Variants in MDN1 observed in about 807,000 individuals in gnomAD.
MDN1 encodes the protein midasin AAA ATPase 1.
A neutral mutation model predicts 669.2 loss-of-function variants in MDN1; 266 were observed. The ratio of observed to expected loss-of-function variants is 0.40; its 90% CI spans 0.36 to 0.44. MDN1 has a LOEUF of 0.44. Among genes scored for constraint, MDN1 ranks in the 20% least tolerant of loss-of-function variants. The pLI is 1.00. For synonymous variants in MDN1, 2,385 were observed against 2,457.1 expected (o/e 0.97, Z 0.87); for missense variants, 5,940 against 6,754.0 (o/e 0.88, Z 4.22).
chr6:89,715,019 T>TGGGGAATAGTGAATTA (rs1172853925), intron 45 of MDN1, among the ~76,000 whole-genome samples: 1 of 152,238 alleles, frequency 6.6e-6, no homozygotes, highest in Admixed American at 6.5e-5. Flanking sequence ...CAGAGTAGGC[T>TGGGGAATAGTGAATTA]GTACTAATTC....
intron 66 of MDN1, 119 bp from the exon 67 acceptor site, chr6:89,688,292 GA>G (rs373392537): frequency 4.7e-4 from 378 of 797,300 alleles, no homozygotes; most frequent in South Asian, 5.8e-4. Context: ...AAACACCTCT[GA>G]AAAAAAAAAC....
At chr6:89,800,444 G>A (rs951475705) in intron 2 of MDN1, among the ~76,000 whole-genome samples, 2 of 151,960 alleles carry the variant, frequency 1.3e-5, no homozygotes, top group Non-Finnish European at 2.9e-5. Context: ...AACAAACAAC[G>A]ACAACAAAAA....
intron 1 of MDN1, among the ~76,000 whole-genome samples, chr6:89,809,260 T>C (rs974242209): frequency 6.6e-6 from 1 of 151,768 alleles, no homozygotes; most frequent in African/African-American, 2.4e-5. Context: ...TATTTGACTC[T>C]TTTACAGCAC....
chr6:89,662,369 T>C, intron 86 of MDN1, 130 bp from the exon 87 acceptor site: 1 of 884,708 alleles, frequency 1.1e-6, no homozygotes, highest in Non-Finnish European at 1.7e-6. Flanking sequence ...TAAAGTGCCA[T>C]CCGTGACCTA....
chr6:89,674,563 A>C lies in MDN1; in HGVS notation c.12788T>G (p.Ile4263Ser), dbSNP rs903274560. Residue 4263 changes from isoleucine (I) to serine (S), a missense_variant, in exon 79 of 102, where the codon ATT (isoleucine) becomes AGT (serine). By Grantham distance (142) the Ile-to-Ser change is moderately radical. Transcript: ENST00000369393. ...LRNLLSCVQE[I>S]HSRLMGPQAY... Reference sequence around the variant, plus strand: ...CTGGGGCCCCATCAGCCTGCTGTGAATCTCTTGCACACAGCTGAGGAGGTT... The same window carrying C: ...CTGGGGCCCCATCAGCCTGCTGTGACTCTCTTGCACACAGCTGAGGAGGTT... 6.3e-7 allele frequency: 1 copy of C among 1,587,234 alleles called. No homozygotes were observed. The highest frequency in any genetic ancestry group is 8.5e-7 in the Non-Finnish European group (1 of 1,172,080).
At chr6:89,807,377 C>T (rs1213676895) in intron 1 of MDN1, among the ~76,000 whole-genome samples, 2 of 152,302 alleles carry the variant, frequency 1.3e-5, no homozygotes, top group Non-Finnish European at 2.9e-5. Context: ...TGCGCCACCA[C>T]GCAAGGGGGT....
chr6:89,734,691 A>AAGAGAGAGAGAGAG lies in MDN1; in HGVS notation c.4724-1930_4724-1917dup, dbSNP rs1554188772. Among the ~76,000 whole-genome samples the AAGAGAGAGAGAGAG allele has an allele frequency of 8.9e-5, 10 of 112,976 alleles. 1 individual carries two copies. Among genetic ancestry groups the AAGAGAGAGAGAGAG allele is most frequent in the African/African-American group, 2.4e-4 (7 of 28,870 alleles). The allele number at this position is 112,976 out of a possible 152,430, so 74.1% of individuals were successfully genotyped here. A position where few individuals can be genotyped will look rare whatever the true frequency, so the allele number is the denominator to read the frequency against. On this transcript the variant is annotated intron_variant, in intron 33 of 101. Transcript: ENST00000369393. Reference sequence around the variant, plus strand: ...AGAAGAAAAAAAAAAAAAAAAAAACAAGAGAGAGAGAGAGAGAGAGAGAGA... The same window carrying AAGAGAGAGAGAGAG: ...AGAAGAAAAAAAAAAAAAAAAAAACAAGAGAGAGAGAGAGAGAGAGAGAGAGAGAGAGAGAGAGA...
chr6:89,706,839 TAA>T (rs1225048195), intron 52 of MDN1, among the ~76,000 whole-genome samples: 36 of 152,070 alleles, frequency 2.4e-4, no homozygotes, highest in African/African-American at 8.2e-4. Flanking sequence ...TGAGAAAACA[TAA>T]ATGAAACTAT....
intron 17 of MDN1, among the ~76,000 whole-genome samples, chr6:89,760,093 T>A (rs1817465236): frequency 6.6e-6 from 1 of 152,076 alleles, no homozygotes. Context: ...ATAATAATAA[T>A]TCTGATGACC....
chr6:89,651,079 G>A (rs936550437), intron 95 of MDN1, among the ~76,000 whole-genome samples: 1 of 151,914 alleles, frequency 6.6e-6, no homozygotes, highest in African/African-American at 2.4e-5. Flanking sequence ...ACTTTGGGAG[G>A]CCGAGGCGGG....
Position 89,694,320 on chromosome 6 carries a change from C to T in MDN1, c.9772-137G>A, listed in dbSNP as rs574754245. On this transcript the variant is annotated intron_variant, in intron 61 of 101. Transcript: ENST00000369393. ...AATGACCCAAGGAGAGGTGGCTCTG[C>T]TCCATTAATCTACACCACTCACATC... 2.1e-4 allele frequency: 145 copies of T among 676,206 alleles called. 1 individual carries two copies. The highest frequency in any genetic ancestry group is 1.6e-4 in the South Asian group (9 of 56,988). 41.9% of individuals were successfully genotyped at this position (676,206 alleles called of 1,614,324 possible). A position where few individuals can be genotyped will look rare whatever the true frequency, so the allele number is the denominator to read the frequency against.
chr6:89,645,238 A>G lies in MDN1; in HGVS notation c.16460-81T>C. On this transcript the variant is annotated intron_variant, in intron 100 of 101. Coordinates refer to ENST00000369393, the MANE Select transcript of MDN1 (RefSeq NM_014611.3). ...CTCACAACTACCCAAAGTAGGACAA[A>G]TTAGTGTAGGCTTTCTCTGTACTAT... 5 of 1,445,230 alleles carry G rather than the reference A, an allele frequency of 3.5e-6. No homozygotes were observed. In the South Asian group the frequency reaches 5.3e-5, roughly 15 times the overall value. The allele number at this position is 1,445,230 out of a possible 1,614,324, so 89.5% of individuals were successfully genotyped here. A position where few individuals can be genotyped will look rare whatever the true frequency, so the allele number is the denominator to read the frequency against.
intron 15 of MDN1, among the ~76,000 whole-genome samples, chr6:89,769,661 C>T (rs1436592815): frequency 6.6e-6 from 1 of 152,290 alleles, no homozygotes; most frequent in East Asian, 1.9e-4. Flanking sequence ...GACCTACTAA[C>T]AAGGAAAAAC....
At chr6:89,713,671 T>G (rs1273453313) in intron 46 of MDN1, among the ~76,000 whole-genome samples, 2 of 152,214 alleles carry the variant, frequency 1.3e-5, no homozygotes, top group African/African-American at 4.8e-5. Context: ...AAATTCCAGC[T>G]GTTATTATTA....
In MDN1 at chr6:89,697,725, C is replaced by A. The variant is rs1012655137; in HGVS notation, c.9168+1140G>T. Among the ~76,000 whole-genome samples the A allele has an allele frequency of 2.6e-5, 4 of 151,934 alleles. No homozygotes were observed. The East Asian group carries it at 7.8e-4, about 30-fold the overall frequency. ...GCCTCCCAAGTAGCTGGGATTCAGG[C>A]GCACACCACTACTGCCCAGCTAATT... On this transcript the variant is annotated intron_variant, in intron 59 of 101. Coordinates refer to ENST00000369393, the MANE Select transcript of MDN1 (RefSeq NM_014611.3).
chr6:89,766,087 G>C (rs968813659), intron 15 of MDN1, among the ~76,000 whole-genome samples: 1 of 152,114 alleles, frequency 6.6e-6, no homozygotes, highest in Non-Finnish European at 1.5e-5. Context: ...TTGAGGTCAG[G>C]AGTTTGAGAC....
intron 38 of MDN1, among the ~76,000 whole-genome samples, chr6:89,724,528 C>T (rs943828463): frequency 2.0e-5 from 3 of 152,202 alleles, no homozygotes; most frequent in Non-Finnish European, 4.4e-5. Context: ...GGTGATTCAC[C>T]TGCCTTGGCC....
chr6:89,781,259 G>T (rs1226357647), intron 10 of MDN1, 140 bp downstream of exon 10: 16 of 745,246 alleles, frequency 2.1e-5, no homozygotes, highest in Non-Finnish European at 2.9e-5. Flanking sequence ...CTTCTAGCTG[G>T]TAAGAACTTT....
At chr6:89,778,649 C>T (rs1211011551) in intron 11 of MDN1, among the ~76,000 whole-genome samples, 1 of 151,838 alleles carries the variant, frequency 6.6e-6, no homozygotes, top group Non-Finnish European at 1.5e-5. Context: ...CTTTGGGAGG[C>T]TGAGGTGGGT....
Sources: gnomAD v4.1 joint callset for allele counts (sites outside exome capture counted in the v4.1 genomes callset) on GRCh38, gnomAD v4.1.1 for gene constraint, MANE v1.5 for transcripts, NCBI Gene and HGNC (gene_info 2026-07-23, HGNC 2026-07-21) for gene names.